Variants in RBFOX1 observed in about 807,000 individuals in gnomAD.
RBFOX1 encodes the protein RNA binding protein fox-1 homolog 1.
Under a neutral mutation model 57.7 loss-of-function variants are expected in RBFOX1, and 8 were observed. The ratio of observed to expected loss-of-function variants is 0.14; its 90% CI spans 0.08 to 0.25. The LOEUF is 0.25. RBFOX1 is among the 10% of genes least tolerant of loss of function. RBFOX1 has a pLI of 1.00. For missense variants in RBFOX1, 611 were observed against 548.5 expected, an observed-to-expected ratio of 1.11 and a Z score of -1.14; for synonymous variants, 326 against 222.4, an observed-to-expected ratio of 1.47 and a Z score of -4.15.
At chr16:7,093,623 G>A (rs1009884875) in intron 4 of RBFOX1, among the ~76,000 whole-genome samples, 1 of 152,164 alleles carries the variant, frequency 6.6e-6, no homozygotes, top group African/African-American at 2.4e-5. Context: ...GAAAGTTAAT[G>A]AATGGGAGCT....
intron 13 of RBFOX1, among the ~76,000 whole-genome samples, 175 bp from the exon 14 acceptor site, chr16:7,676,599 C>T (rs1448177100): frequency 1.3e-5 from 2 of 152,114 alleles, no homozygotes; most frequent in African/African-American, 2.4e-5. Flanking sequence ...GTTGGTATTC[C>T]ACCCCTTGTT....
At chr16:7,710,576 C>A in intron 15 of RBFOX1, 47 bp from the exon 16 acceptor site, 6 of 1,607,052 alleles carry the variant, frequency 3.7e-6, no homozygotes, top group Non-Finnish European at 4.2e-6. Flanking sequence ...CCACATGTTG[C>A]AAAAGGAAAA....
In RBFOX1 at chr16:6,940,604, C is replaced by G. The variant is rs569220061; in HGVS notation, c.-15-111453C>G. The stretch of plus-strand genomic sequence containing the variant: ...ATTCAGGGGTCTTATTTGTACACTT[C>G]TTTTCTTTTTTGAGGCGGAGTCTTA... On this transcript the variant is annotated intron_variant, in intron 3 of 15. Transcript: ENST00000550418. 2.0e-5 allele frequency among the ~76,000 whole-genome samples: 3 copies of G among 152,142 alleles called. No individual in the cohort carries two copies. The South Asian group carries it at 6.2e-4, about 32-fold the overall frequency.
chr16:6,544,263 T>C (rs1168560811), intron 2 of RBFOX1, among the ~76,000 whole-genome samples: 1 of 152,090 alleles, frequency 6.6e-6, no homozygotes, highest in Non-Finnish European at 1.5e-5. Flanking sequence ...CCACCACAGG[T>C]GTGGTTGCAA....
chr16:5,385,555 C>G (rs476355), intron 1 of RBFOX1, among the ~76,000 whole-genome samples: 1 of 152,140 alleles, frequency 6.6e-6, no homozygotes, highest in Non-Finnish European at 1.5e-5. Context: ...CTTTCTCCCC[C>G]TTAAATGACC....
chr16:7,180,066 C>A lies in RBFOX1; in HGVS notation c.27+127968C>A, dbSNP rs529251100. Among the ~76,000 whole-genome samples, 3 of 152,130 alleles carry A rather than the reference C, an allele frequency of 2.0e-5. No individual in the cohort carries two copies. In the East Asian group the frequency reaches 5.8e-4, roughly 29 times the overall value. On this transcript the variant is annotated intron_variant, in intron 4 of 15. Coordinates refer to ENST00000550418, the MANE Select transcript of RBFOX1 (RefSeq NM_018723.4). The stretch of plus-strand genomic sequence containing the variant: ...ACCTTCCTAGATATTTTGAACAGAG[C>A]CTGCTTTTCTCAGAGAAAATATTTC...
chr16:6,635,619 A>G (rs1436210488), intron 2 of RBFOX1, among the ~76,000 whole-genome samples: 2 of 152,182 alleles, frequency 1.3e-5, no homozygotes, highest in Non-Finnish European at 2.9e-5. Flanking sequence ...ATACTAGAAT[A>G]TGAGTCTAGG....
At chr16:6,338,699 C>T (rs2084104172) in intron 2 of RBFOX1, among the ~76,000 whole-genome samples, 1 of 152,176 alleles carries the variant, frequency 6.6e-6, no homozygotes, top group Admixed American at 6.5e-5. Flanking sequence ...CATACAATGG[C>T]ACTCAAGAGA....
chr16:5,688,280 T>C (rs892804178), intron 3 of RBFOX1, among the ~76,000 whole-genome samples: 1 of 152,238 alleles, frequency 6.6e-6, no homozygotes, highest in Non-Finnish European at 1.5e-5. Flanking sequence ...ACAATTTATT[T>C]TGTTAGTCAG....
At chr16:7,476,665 A>T (rs150422921) in intron 4 of RBFOX1, among the ~76,000 whole-genome samples, 11 of 152,254 alleles carry the variant, frequency 7.2e-5, no homozygotes, top group East Asian at 1.9e-4. Context: ...GGCACATTCT[A>T]TAAACTGTAC....
At chr16:6,534,187 G>C (rs778299818) in intron 2 of RBFOX1, among the ~76,000 whole-genome samples, 2 of 152,130 alleles carry the variant, frequency 1.3e-5, no homozygotes, top group South Asian at 4.1e-4. Context: ...TAAGTAAGTT[G>C]TATAGTCACT....
Position 6,682,178 on chromosome 16 carries a change from C to T in RBFOX1, c.-16+27528C>T, listed in dbSNP as rs561559588. On this transcript the variant is annotated intron_variant, in intron 3 of 15. Transcript: ENST00000550418. ...TTGCCTGTAAATTTCATCATTTGTG[C>T]CCAAGGATTAGGGCAATTAAAACAA... Among the ~76,000 whole-genome samples the T allele has an allele frequency of 5.3e-5, 8 of 152,212 alleles. No individual in the cohort carries two copies. The East Asian group carries it at 1.5e-3, about 29-fold the overall frequency.
At chr16:5,871,468 C>G (rs888189399) in intron 4 of RBFOX1, among the ~76,000 whole-genome samples, 2 of 152,200 alleles carry the variant, frequency 1.3e-5, no homozygotes, top group South Asian at 2.1e-4. Flanking sequence ...TACTGTATGT[C>G]TCCTAGACTC....
intron 10 of RBFOX1, among the ~76,000 whole-genome samples, chr16:7,613,021 A>G (rs1412676781): frequency 6.6e-6 from 1 of 152,222 alleles, no homozygotes; most frequent in Non-Finnish European, 1.5e-5. Context: ...ATGAGACGTG[A>G]TCAATAGGGA....
intron 4 of RBFOX1, among the ~76,000 whole-genome samples, chr16:7,213,316 G>A (rs1000821378): frequency 1.3e-5 from 2 of 152,142 alleles, no homozygotes; most frequent in Non-Finnish European, 2.9e-5. Context: ...CACGTTGCAT[G>A]GATCCAAGCC....
At chr16:7,650,858 A>G (rs912692920) in intron 11 of RBFOX1, among the ~76,000 whole-genome samples, 1 of 152,014 alleles carries the variant, frequency 6.6e-6, no homozygotes, top group African/African-American at 2.4e-5. Flanking sequence ...GGCCATTCCC[A>G]CTCATTTTCT....
At chr16:6,842,957 C>G (rs149374788) in intron 3 of RBFOX1, among the ~76,000 whole-genome samples, 1 of 151,992 alleles carries the variant, frequency 6.6e-6, no homozygotes, top group Non-Finnish European at 1.5e-5. Context: ...TTGCTGAGAA[C>G]GATGGTTTCC....
intron 4 of RBFOX1, among the ~76,000 whole-genome samples, chr16:7,371,028 T>A (rs1404970353): frequency 6.6e-6 from 1 of 152,150 alleles, no homozygotes; most frequent in Non-Finnish European, 1.5e-5. Flanking sequence ...TGTGTCTGTA[T>A]TTTTGACTTG....
intron 2 of RBFOX1, among the ~76,000 whole-genome samples, chr16:5,513,274 G>A (rs2043671724): frequency 6.6e-6 from 1 of 152,130 alleles, no homozygotes; most frequent in African/African-American, 2.4e-5. Flanking sequence ...CAGGTATGTT[G>A]TAGAATATAC....
Sources: gnomAD v4.1 joint callset for allele counts (sites outside exome capture counted in the v4.1 genomes callset) on GRCh38, gnomAD v4.1.1 for gene constraint, MANE v1.5 for transcripts, NCBI Gene and HGNC (gene_info 2026-07-23, HGNC 2026-07-21) for gene names.